The following HPCAL1 variants were observed in gnomAD, a reference collection of about 807,000 sequenced individuals.
HPCAL1 encodes hippocalcin like 1.
A neutral mutation model predicts 17.1 loss-of-function variants in HPCAL1; 8 were observed. The ratio of observed to expected loss-of-function variants is 0.47; its 90% CI spans 0.27 to 0.84. HPCAL1 has a LOEUF of 0.84. HPCAL1 is among the 40% of genes least tolerant of loss of function. The pLI, the probability that HPCAL1 is intolerant of heterozygous loss-of-function variation, is 0.13. For missense variants in HPCAL1, 165 were observed against 271.1 expected, an observed-to-expected ratio of 0.61 and a Z score of 2.75; for synonymous variants, 112 against 111.4, an observed-to-expected ratio of 1.01 and a Z score of -0.03.
Position 10,359,662 on chromosome 2 carries a change from G to A in HPCAL1, c.-110-37173G>A, listed in dbSNP as rs1387576208. Among the ~76,000 whole-genome samples the A allele has an allele frequency of 6.6e-6, 1 of 152,234 alleles. No homozygotes were observed. The highest frequency in any genetic ancestry group is 1.5e-5 in the Non-Finnish European group (1 of 68,040). On this transcript the variant is annotated intron_variant, in intron 1 of 4. Coordinates refer to ENST00000307845, the MANE Select transcript of HPCAL1 (RefSeq NM_002149.4). The surrounding 1 kb of genome is among the most constrained non-coding windows in gnomAD (Gnocchi z 4.1). ...GGTGGCCTTCCAGGCCCACTCAGTGGCTGGCGGTCCCACCTCCAAATGCAG... is the reference window on the plus strand; with the variant it reads ...GGTGGCCTTCCAGGCCCACTCAGTGACTGGCGGTCCCACCTCCAAATGCAG...
chr2:10,366,594 T>G (rs918853840), intron 1 of HPCAL1, among the ~76,000 whole-genome samples: 1 of 152,138 alleles, frequency 6.6e-6, no homozygotes, highest in African/African-American at 2.4e-5. Context: ...AGACAGATGT[T>G]CCAAGAGCAC....
chr2:10,378,365 G>A (rs1468610100), intron 1 of HPCAL1, among the ~76,000 whole-genome samples: 1 of 151,828 alleles, frequency 6.6e-6, no homozygotes, highest in Non-Finnish European at 1.5e-5. Flanking sequence ...TCCCGATAAA[G>A]GAGGGTGCTT....
In HPCAL1 at chr2:10,394,231, T is replaced by C. The variant is rs1668871633; in HGVS notation, c.-110-2604T>C. Among the ~76,000 whole-genome samples, 1 of 152,166 alleles carries C rather than the reference T, an allele frequency of 6.6e-6. No individual in the cohort carries two copies. The highest frequency in any genetic ancestry group is 1.5e-5 in the Non-Finnish European group (1 of 68,024). ...GCCCCACACCCCATTTAGCCGAGTGTCACCTGAGCTGGTGTCCCGGAGTCT... is the reference window on the plus strand; with the variant it reads ...GCCCCACACCCCATTTAGCCGAGTGCCACCTGAGCTGGTGTCCCGGAGTCT... On this transcript the variant is annotated intron_variant, in intron 1 of 4. Transcript: ENST00000307845. This position sits in a 1 kb window ranked among gnomAD's most constrained non-coding sequence, Gnocchi z 5.0.
rs775050947 is a variant in HPCAL1, at chr2:10,344,965, ATC to A, written c.-111+41798_-111+41799del. ...TCTTTCTGCCTCTCTCTATGTGTCCATCTCTCTCTCTTTTTCTGTGTGTCTCT... is the reference window on the plus strand; with the variant it reads ...TCTTTCTGCCTCTCTCTATGTGTCCATCTCTCTCTTTTTCTGTGTGTCTCT... On this transcript the variant is annotated intron_variant, in intron 1 of 4. Coordinates refer to ENST00000307845, the MANE Select transcript of HPCAL1 (RefSeq NM_002149.4). This position sits in a 1 kb window ranked among gnomAD's most constrained non-coding sequence, Gnocchi z 4.9. Among the ~76,000 whole-genome samples, 5 of 60,580 alleles carry A rather than the reference ATC, an allele frequency of 8.3e-5. No homozygotes were observed. The highest frequency in any genetic ancestry group is 2.1e-4 in the African/African-American group (3 of 14,380). The allele number at this position is 60,580 out of a possible 152,430, so 39.7% of individuals were successfully genotyped here.
Position 10,325,282 on chromosome 2 carries a change from C to T in HPCAL1, c.-111+22105C>T, listed in dbSNP as rs965786556. On this transcript the variant is annotated intron_variant, in intron 1 of 4. Coordinates refer to ENST00000307845, the MANE Select transcript of HPCAL1 (RefSeq NM_002149.4). ...TGGGCTCAGGCGATCCTCCCGACAT[C>T]GTAATTACATTTTTGCAGGGTTTTC... is the stretch of plus-strand genomic sequence containing the variant. 5.3e-5 allele frequency among the ~76,000 whole-genome samples: 8 copies of T among 152,202 alleles called. No homozygotes were observed. The South Asian group carries it at 6.2e-4, about 12-fold the overall frequency.
chr2:10,339,967 G>A (rs1455665171), intron 1 of HPCAL1, among the ~76,000 whole-genome samples: 1 of 152,214 alleles, frequency 6.6e-6, no homozygotes, highest in Non-Finnish European at 1.5e-5. Flanking sequence ...ATGGGGAGGG[G>A]ATTCTTGGTT....
In HPCAL1 at chr2:10,354,290, A is replaced by G. The variant is rs1666005595; in HGVS notation, c.-110-42545A>G. ...GCAATCCTGCGTGTCCTCGTTCTTC[A>G]TTCCACAAATACGTTCTAAGGGCCT... is the stretch of plus-strand genomic sequence containing the variant. On this transcript the variant is annotated intron_variant, in intron 1 of 4. Coordinates refer to ENST00000307845, the MANE Select transcript of HPCAL1 (RefSeq NM_002149.4). This position sits in a 1 kb window ranked among gnomAD's most constrained non-coding sequence, Gnocchi z 5.1. 4 of 152,154 alleles carry G rather than the reference A, an allele frequency of 2.6e-5. No homozygotes were observed. In the South Asian group the frequency reaches 8.3e-4, roughly 32 times the overall value. 9.4% of individuals were successfully genotyped at this position (152,154 alleles called of 1,614,324 possible).
chr2:10,360,492 A>T (rs565888897), intron 1 of HPCAL1, among the ~76,000 whole-genome samples: 118 of 151,980 alleles, frequency 7.8e-4, no homozygotes, highest in Middle Eastern at 3.4e-3. Flanking sequence ...GTTCACTGTA[A>T]CCTCTGCCTT....
At chr2:10,311,282 G>T (rs769332226) in intron 1 of HPCAL1, among the ~76,000 whole-genome samples, 5 of 152,218 alleles carry the variant, frequency 3.3e-5, no homozygotes, top group Non-Finnish European at 5.9e-5. Flanking sequence ...GCCTCCAGGG[G>T]TGGGACATGA....
intron 2 of HPCAL1, among the ~76,000 whole-genome samples, chr2:10,399,232 C>CCAT (rs1669283621): frequency 1.4e-5 from 1 of 72,594 alleles, no homozygotes; most frequent in Middle Eastern, 7.0e-3. Context: ...ACCACCACCA[C>CCAT]CACCACCATC....
chr2:10,352,988 A>C (rs1006285092), intron 1 of HPCAL1, among the ~76,000 whole-genome samples: 3 of 152,202 alleles, frequency 2.0e-5, no homozygotes, highest in Admixed American at 6.5e-5. Flanking sequence ...TCTTCATGAA[A>C]ATGATGCTTT....
At chr2:10,351,488 T>C (rs1290279664) in intron 1 of HPCAL1, among the ~76,000 whole-genome samples, 1 of 152,186 alleles carries the variant, frequency 6.6e-6, no homozygotes, top group Non-Finnish European at 1.5e-5. Context: ...TCAGGTGCCA[T>C]GGCTCATGCC....
At chr2:10,402,610 C>A (rs899476397) in intron 2 of HPCAL1, among the ~76,000 whole-genome samples, 3 of 152,174 alleles carry the variant, frequency 2.0e-5, no homozygotes, top group Admixed American at 6.5e-5. Context: ...CTGTGCCTAG[C>A]GTTTCAGCCG....
Position 10,394,019 on chromosome 2 carries a change from G to T in HPCAL1, c.-110-2816G>T, listed in dbSNP as rs189343738. On this transcript the variant is annotated intron_variant, in intron 1 of 4. Coordinates refer to ENST00000307845, the MANE Select transcript of HPCAL1 (RefSeq NM_002149.4). The surrounding 1 kb of genome is among the most constrained non-coding windows in gnomAD (Gnocchi z 5.0). ...AGTCCCAGTTACTTGGGAGGCTGAG[G>T]CTGGAGGATTGCTTGAGCCTGGGAG... 4.1e-3 allele frequency among the ~76,000 whole-genome samples: 623 copies of T among 152,088 alleles called. 6 individuals carry two copies. The highest frequency in any genetic ancestry group is 0.015 in the African/African-American group (603 of 41,476).
chr2:10,324,097 TAAG>T (rs1663839021), intron 1 of HPCAL1, among the ~76,000 whole-genome samples: 1 of 152,252 alleles, frequency 6.6e-6, no homozygotes, highest in African/African-American at 2.4e-5. Flanking sequence ...GTCCCACTAT[TAAG>T]AACTCACTCA....
intron 2 of HPCAL1, among the ~76,000 whole-genome samples, chr2:10,402,355 AT>A (rs1180114386): frequency 6.6e-6 from 1 of 152,194 alleles, no homozygotes; most frequent in Non-Finnish European, 1.5e-5. Context: ...CTGCGTGTTG[AT>A]TACACTTTGT....
In HPCAL1 at chr2:10,419,243, G is replaced by A. The variant is rs1396785526; in HGVS notation, c.-24-491G>A. Among the ~76,000 whole-genome samples the A allele has an allele frequency of 1.3e-5, 2 of 152,100 alleles. No homozygotes were observed. The highest frequency in any genetic ancestry group is 2.1e-4 in the South Asian group (1 of 4,820). On this transcript the variant is annotated intron_variant, in intron 2 of 4. Coordinates refer to ENST00000307845, the MANE Select transcript of HPCAL1 (RefSeq NM_002149.4). This position sits in a 1 kb window ranked among gnomAD's most constrained non-coding sequence, Gnocchi z 5.0. ...AACAAACAAATAAACAAATAAAGAA[G>A]GTGGGTGGGGGTGACTCCCTGAAAG...
chr2:10,308,802 T>G (rs1017486116), intron 1 of HPCAL1, among the ~76,000 whole-genome samples: 7 of 152,222 alleles, frequency 4.6e-5, no homozygotes, highest in African/African-American at 1.7e-4. Context: ...TATTGATGTG[T>G]CAGGTGATGT....
Position 10,344,191 on chromosome 2 carries a change from C to G in HPCAL1, c.-111+41014C>G, listed in dbSNP as rs1665264678. Among the ~76,000 whole-genome samples the G allele has an allele frequency of 6.6e-6, 1 of 152,200 alleles. No individual in the cohort carries two copies. Among genetic ancestry groups the G allele is most frequent in the South Asian group, 2.1e-4 (1 of 4,834 alleles). ...CTTTGATCTCGAAGTCTCGGCCGCT[C>G]CTGGCTCAGAGGACCCTGGGGACGT... is the stretch of plus-strand genomic sequence containing the variant. On this transcript the variant is annotated intron_variant, in intron 1 of 4. Coordinates refer to ENST00000307845, the MANE Select transcript of HPCAL1 (RefSeq NM_002149.4). The surrounding 1 kb of genome is among the most constrained non-coding windows in gnomAD (Gnocchi z 4.9).
Sources: allele counts gnomAD v4.1 joint callset (sites outside exome capture counted in the v4.1 genomes callset), GRCh38; gene constraint gnomAD v4.1.1; non-coding constraint Gnocchi (gnomAD v3.1); transcripts MANE v1.5; gene names NCBI Gene and HGNC (gene_info 2026-07-23, HGNC 2026-07-21).